The following RAVER2 variants were observed in gnomAD, a reference collection of about 807,000 sequenced individuals.
The protein encoded by RAVER2 is ribonucleoprotein PTB-binding 2.
A neutral mutation model predicts 78.1 loss-of-function variants in RAVER2; 46 were observed. The observed-to-expected ratio is 0.59, with a 90% CI of 0.46 to 0.75. The LOEUF (loss-of-function observed/expected upper bound fraction) is 0.75, where lower values mean the gene tolerates loss of function less well. RAVER2 is among the 30% of genes least tolerant of loss of function. The pLI is 0.00. For missense variants in RAVER2, 793 were observed against 837.5 expected, an observed-to-expected ratio of 0.95 and a Z score of 0.66; for synonymous variants, 311 against 313.3, an observed-to-expected ratio of 0.99 and a Z score of 0.08.
At chr1:64,826,878 A>G (rs1355386591) in intron 11 of RAVER2, among the ~76,000 whole-genome samples, 20 of 152,158 alleles carry the variant, frequency 1.3e-4, no homozygotes, top group Admixed American at 1.3e-3. Context: ...ATACGAGGGT[A>G]AGAGAGGAGC....
chr1:64,761,417 A>G (rs1331882731), intron 1 of RAVER2, among the ~76,000 whole-genome samples: 4 of 152,174 alleles, frequency 2.6e-5, no homozygotes, highest in African/African-American at 9.6e-5. Flanking sequence ...AGCTTGGGAG[A>G]GAAGTTTGAA....
chr1:64,818,864 T>G (rs759253212), intron 11 of RAVER2, among the ~76,000 whole-genome samples: 1 of 152,210 alleles, frequency 6.6e-6, no homozygotes, highest in African/African-American at 2.4e-5. Context: ...ACCCAAATAC[T>G]GTTGGCTGGC....
intron 1 of RAVER2, among the ~76,000 whole-genome samples, chr1:64,761,076 G>A (rs566852953): frequency 1.6e-4 from 24 of 152,316 alleles, no homozygotes; most frequent in Admixed American, 9.8e-4. Context: ...AGGATTAAAT[G>A]AGATAATGTC....
At chr1:64,805,091 G>C (rs1653378686) in exon 8 of RAVER2, 17 of 1,613,740 alleles carry the variant, frequency 1.1e-5, no homozygotes, top group Non-Finnish European at 1.4e-5. Context: ...CATCATCATG[G>C]AGAAGCACAT....
intron 5 of RAVER2, among the ~76,000 whole-genome samples, chr1:64,793,318 A>G (rs1447457229): frequency 6.6e-6 from 1 of 152,178 alleles, no homozygotes; most frequent in African/African-American, 2.4e-5. Context: ...GTCTATTTCT[A>G]CCACTAAAAT....
In RAVER2 at chr1:64,751,453, A is replaced by G. The variant is rs558196039; in HGVS notation, c.249+6032A>G. ...TTAACAAGACTCAGATCAGGGAAGC[A>G]TTAAATGAAGTCAACTCTGATCAAA... On this transcript the variant is annotated intron_variant, in intron 1 of 11. Coordinates refer to ENST00000294428, the Ensembl canonical transcript of RAVER2. 5.9e-5 allele frequency among the ~76,000 whole-genome samples: 9 copies of G among 152,360 alleles called. No homozygotes were observed. The South Asian group carries it at 1.7e-3, about 28-fold the overall frequency.
At chr1:64,746,566 A>G (rs1461028468) in intron 1 of RAVER2, among the ~76,000 whole-genome samples, 2 of 152,222 alleles carry the variant, frequency 1.3e-5, no homozygotes, top group South Asian at 2.1e-4. Context: ...ATGCCCCATT[A>G]CTATGTAATG....
At chr1:64,769,536 T>C (rs561083012) in intron 2 of RAVER2, among the ~76,000 whole-genome samples, 1 of 152,174 alleles carries the variant, frequency 6.6e-6, no homozygotes, top group South Asian at 2.1e-4. Context: ...TACCTGTGCC[T>C]CTTTGAAGTT....
At chr1:64,789,365 T>C (rs530091866) in intron 4 of RAVER2, 23 bp from the exon 5 acceptor site, 63 of 1,566,066 alleles carry the variant, frequency 4.0e-5, no homozygotes, top group Non-Finnish European at 5.3e-5. Flanking sequence ...TTCTAATGTT[T>C]CTTATTTCTA....
intron 5 of RAVER2, among the ~76,000 whole-genome samples, chr1:64,795,986 C>T (rs920022379): frequency 1.3e-5 from 2 of 151,494 alleles, no homozygotes; most frequent in African/African-American, 4.8e-5. Flanking sequence ...TTCTAATTGC[C>T]GAATTTTAGC....
intron 5 of RAVER2, among the ~76,000 whole-genome samples, chr1:64,795,531 G>C (rs759092323): frequency 5.9e-5 from 9 of 151,894 alleles, no homozygotes; most frequent in Non-Finnish European, 1.2e-4. Flanking sequence ...TACATCTTTG[G>C]TCAGATTTAT....
chr1:64,832,243 A>C (rs1454814364), exon 12 of RAVER2: 1 of 152,642 alleles, frequency 6.6e-6, no homozygotes, highest in East Asian at 1.9e-4. Context: ...AAGGAGTCAC[A>C]GTATTTATAA....
At chr1:64,789,330 A>T in intron 4 of RAVER2, 58 bp from the exon 5 acceptor site, 1 of 1,409,680 alleles carries the variant, frequency 7.1e-7, no homozygotes, top group Non-Finnish European at 9.4e-7. Context: ...AAAGCCTTTG[A>T]AATTGTGTCT....
intron 5 of RAVER2, among the ~76,000 whole-genome samples, chr1:64,800,127 T>G (rs996307137): frequency 4.8e-5 from 7 of 145,490 alleles, no homozygotes; most frequent in South Asian, 2.2e-4. Flanking sequence ...TTTTTTTGTT[T>G]TTTGTTTTTT....
At chr1:64,817,258 G>T (rs1485303857) in intron 11 of RAVER2, among the ~76,000 whole-genome samples, 1 of 152,178 alleles carries the variant, frequency 6.6e-6, no homozygotes, top group East Asian at 1.9e-4. Flanking sequence ...GAAACAACAG[G>T]TGCTGGAGAG....
chr1:64,829,655 C>T (rs1193487513), intron 11 of RAVER2, among the ~76,000 whole-genome samples: 2 of 152,176 alleles, frequency 1.3e-5, no homozygotes, highest in African/African-American at 2.4e-5. Context: ...GGTCTCCTTT[C>T]ATCTACCCTC....
At chr1:64,822,580 T>G (rs572978744) in intron 11 of RAVER2, among the ~76,000 whole-genome samples, 11 of 152,154 alleles carry the variant, frequency 7.2e-5, no homozygotes, top group Non-Finnish European at 1.5e-4. Context: ...CATACAGTGC[T>G]GGGGGTTGGT....
At chr1:64,768,996 C>T (rs1050141124) in intron 2 of RAVER2, among the ~76,000 whole-genome samples, 4 of 151,874 alleles carry the variant, frequency 2.6e-5, no homozygotes, top group Admixed American at 1.3e-4. Context: ...CAGAGTTCCT[C>T]GATTTTAATT....
chr1:64,764,345 GA>G (rs568455825), intron 1 of RAVER2, among the ~76,000 whole-genome samples: 255 of 131,852 alleles, frequency 1.9e-3, no homozygotes, highest in East Asian at 3.7e-3. Context: ...ACCCATATAG[GA>G]AAAAAAAAAA....
Sources: allele counts gnomAD v4.1 joint callset (sites outside exome capture counted in the v4.1 genomes callset), GRCh38; gene constraint gnomAD v4.1.1; transcripts MANE v1.5; gene names NCBI Gene and HGNC (gene_info 2026-07-23, HGNC 2026-07-21).